The following PLD1 variants were observed in gnomAD, a reference collection of about 807,000 sequenced individuals.
PLD1 encodes the protein choline phosphatase 1.
Under a neutral mutation model 137.1 loss-of-function variants are expected in PLD1, and 112 were observed. The ratio of observed to expected loss-of-function variants is 0.82; its 90% CI spans 0.70 to 0.96. The LOEUF (loss-of-function observed/expected upper bound fraction) is 0.96. Among genes scored for constraint, PLD1 ranks in the 40% least tolerant of loss-of-function variants. The probability of loss-of-function intolerance (pLI) is 0.00; values close to 1 mark genes in which losing one functional copy is unlikely to be tolerated. For synonymous variants in PLD1, 431 were observed against 454.7 expected, an observed-to-expected ratio of 0.95 and a Z score of 0.66; for missense variants, 1,321 against 1,342.0, an observed-to-expected ratio of 0.98 and a Z score of 0.24.
At chr3:171,611,928 A>T (rs1050226106) in intron 25 of PLD1, among the ~76,000 whole-genome samples, 10 of 152,118 alleles carry the variant, frequency 6.6e-5, no homozygotes, top group African/African-American at 2.4e-4. Flanking sequence ...AAAAATTTTT[A>T]AAAATTAGCT....
At chr3:171,808,391 C>G (rs1355516597) in intron 1 of PLD1, among the ~76,000 whole-genome samples, 2 of 152,072 alleles carry the variant, frequency 1.3e-5, no homozygotes, top group African/African-American at 4.8e-5. Flanking sequence ...AAAAAATCAA[C>G]CGGGCGTGGC....
chr3:171,747,759 C>A (rs1200673964), intron 1 of PLD1, among the ~76,000 whole-genome samples: 1 of 152,198 alleles, frequency 6.6e-6, no homozygotes, highest in Non-Finnish European at 1.5e-5. Context: ...TTACAACAGA[C>A]CTATGAAGTA....
At chr3:171,624,386 T>C (rs1024013079) in intron 23 of PLD1, among the ~76,000 whole-genome samples, 2 of 152,164 alleles carry the variant, frequency 1.3e-5, no homozygotes, top group East Asian at 1.9e-4. Context: ...TTAGTGAGAA[T>C]GGGTTGAAGA....
chr3:171,776,176 C>A (rs1722583942), intron 1 of PLD1, among the ~76,000 whole-genome samples: 1 of 152,210 alleles, frequency 6.6e-6, no homozygotes, highest in Non-Finnish European at 1.5e-5. Context: ...AGAAGACACT[C>A]CTTCCTGGGC....
chr3:171,735,833 A>G (rs972406241), intron 3 of PLD1, among the ~76,000 whole-genome samples, 196 bp from the exon 4 acceptor site: 1 of 152,230 alleles, frequency 6.6e-6, no homozygotes, highest in Non-Finnish European at 1.5e-5. Flanking sequence ...CACTTGATGA[A>G]TTACATAAGA....
At chr3:171,728,941 T>C (rs910075261) in intron 6 of PLD1, among the ~76,000 whole-genome samples, 3 of 148,436 alleles carry the variant, frequency 2.0e-5, no homozygotes, top group Admixed American at 6.7e-5. Flanking sequence ...GAAAAAAAAA[T>C]CTGGCAATAA....
intron 24 of PLD1, among the ~76,000 whole-genome samples, chr3:171,619,712 G>A (rs1484111007): frequency 6.6e-6 from 1 of 152,110 alleles, no homozygotes. Context: ...TTACCACAAG[G>A]TACTCACTTA....
intron 21 of PLD1, chr3:171,654,407 T>C (rs1029492722): frequency 1.0e-5 from 2 of 200,356 alleles, no homozygotes; most frequent in Admixed American, 5.9e-5. Flanking sequence ...TATTAAAACA[T>C]AGAAGCATTA....
intron 24 of PLD1, among the ~76,000 whole-genome samples, chr3:171,615,736 C>G (rs1733048888): frequency 6.6e-6 from 1 of 152,142 alleles, no homozygotes; most frequent in South Asian, 2.1e-4. Flanking sequence ...TGAATGAACA[C>G]ACTAGGGATT....
chr3:171,663,769 T>G (rs977663925), intron 19 of PLD1, among the ~76,000 whole-genome samples: 1 of 152,256 alleles, frequency 6.6e-6, no homozygotes, highest in Non-Finnish European at 1.5e-5. Context: ...AAAATAATAC[T>G]TGCTATTTCT....
chr3:171,631,017 T>C (rs944808380), intron 23 of PLD1, among the ~76,000 whole-genome samples: 4 of 151,518 alleles, frequency 2.6e-5, no homozygotes, highest in Non-Finnish European at 4.4e-5. Flanking sequence ...AGTATAATAA[T>C]AATGAAATAA....
Position 171,644,923 on chromosome 3 carries a change from G to T in PLD1, c.2530C>A (p.His844Asn). The T allele has an allele frequency of 6.2e-7, 1 of 1,608,388 alleles. No individual in the cohort carries two copies. The highest frequency in any genetic ancestry group is 8.5e-7 in the Non-Finnish European group (1 of 1,174,722). The change falls in exon 22 of 27, where the codon CAC becomes AAC. Residue 844 changes from histidine to asparagine, a missense_variant. His to Asn is a moderately conservative substitution (Grantham distance 68, BLOSUM62 1). Coordinates refer to ENST00000351298, the MANE Select transcript of PLD1 (RefSeq NM_002662.5). Reference sequence around the variant, plus strand: ...GAGTTTTGGCACCTGTAGTTGAAGTGCATGATTGCCTGTAGAGCATTTCCT... The same window carrying T: ...GAGTTTTGGCACCTGTAGTTGAAGTTCATGATTGCCTGTAGAGCATTTCCT... ...GGGNALQAIM[H>N]FNYRTMCRGE...
intron 16 of PLD1, among the ~76,000 whole-genome samples, chr3:171,683,366 C>G (rs949510387): frequency 2.0e-5 from 3 of 152,126 alleles, no homozygotes; most frequent in Admixed American, 2.0e-4. Flanking sequence ...GGGTCAAAAT[C>G]TTACAGTGGT....
At chr3:171,711,817 T>TAAAAAAAAAAAAAAA (rs36106956) in intron 9 of PLD1, among the ~76,000 whole-genome samples, 5 of 99,164 alleles carry the variant, frequency 5.0e-5, no homozygotes, top group African/African-American at 1.2e-4. Context: ...TTATAAATGC[T>TAAAAAAAAAAAAAAA]AAAAAAAAAA....
At chr3:171,733,407 A>C in intron 6 of PLD1, 37 bp downstream of exon 6, 1 of 827,036 alleles carries the variant, frequency 1.2e-6, no homozygotes, top group Non-Finnish European at 2.0e-6. Flanking sequence ...ACTATAGTGA[A>C]AATTACTCCA....
chr3:171,610,367 T>C (rs1447964866), intron 25 of PLD1, among the ~76,000 whole-genome samples: 2 of 152,218 alleles, frequency 1.3e-5, no homozygotes, highest in Non-Finnish European at 2.9e-5. Context: ...AAAATTCTAA[T>C]TTTGTTTTAA....
intron 1 of PLD1, among the ~76,000 whole-genome samples, chr3:171,807,528 T>C (rs1485381482): frequency 1.3e-5 from 2 of 152,212 alleles, no homozygotes; most frequent in African/African-American, 2.4e-5. Flanking sequence ...GTAAATTTTA[T>C]GTTGTACATA....
chr3:171,784,370 GAAAAAAA>G (rs768555721), intron 1 of PLD1, among the ~76,000 whole-genome samples: 1 of 132,968 alleles, frequency 7.5e-6, no homozygotes, highest in Non-Finnish European at 1.6e-5. Flanking sequence ...TTCTCAGAAG[GAAAAAAA>G]AAAAAAAGAC....
chr3:171,767,408 G>A (rs780184673), intron 1 of PLD1, among the ~76,000 whole-genome samples: 21 of 152,190 alleles, frequency 1.4e-4, no homozygotes, highest in Admixed American at 2.6e-4. Context: ...TTGCCTTGCT[G>A]GTTGACAGTA....
Sources: gnomAD v4.1 joint callset for allele counts (sites outside exome capture counted in the v4.1 genomes callset) on GRCh38, gnomAD v4.1.1 for gene constraint, MANE v1.5 for transcripts, NCBI Gene and HGNC (gene_info 2026-07-23, HGNC 2026-07-21) for gene names.